POPDC2: variants seen among roughly 807,000 people sequenced by gnomAD.
POPDC2 encodes the protein popeye domain cAMP effector 2.
In POPDC2, 24 loss-of-function variants were observed where a neutral mutation model predicts 30.5. The observed-to-expected ratio is 0.79, with a 90% CI of 0.57 to 1.11. POPDC2 has a LOEUF of 1.11. POPDC2 is among the 50% of genes least tolerant of loss of function. POPDC2 has a pLI of 0.00. For missense variants in POPDC2, 409 were observed against 447.0 expected (o/e 0.91, Z 0.77); for synonymous variants, 185 against 183.3 (o/e 1.01, Z -0.07).
At chr3:119,643,408 A>C in intron 3 of POPDC2, 1 of 1,535,882 alleles carries the variant, frequency 6.5e-7, no homozygotes, top group Non-Finnish European at 8.7e-7. Context: ...ACCTTCCCTG[A>C]AAAGCCAAAC....
intron 3 of POPDC2, among the ~76,000 whole-genome samples, chr3:119,645,347 C>G (rs985695030): frequency 1.3e-5 from 2 of 152,122 alleles, no homozygotes; most frequent in Non-Finnish European, 2.9e-5. Context: ...CGGATCACCA[C>G]GTCAGGAGAT....
chr3:119,651,651 C>G (rs928713500), intron 2 of POPDC2, among the ~76,000 whole-genome samples: 2 of 152,104 alleles, frequency 1.3e-5, no homozygotes, highest in Admixed American at 1.3e-4. Context: ...CCACCGCCCC[C>G]CTGAGACGAA....
chr3:119,657,499 A>G (rs967296860), intron 1 of POPDC2, among the ~76,000 whole-genome samples: 2 of 152,238 alleles, frequency 1.3e-5, no homozygotes, highest in Non-Finnish European at 2.9e-5. Flanking sequence ...GAAAGAAGGA[A>G]GCAAGAAAGT....
intron 2 of POPDC2, 60 bp downstream of exon 2, chr3:119,654,445 G>T: frequency 1.8e-6 from 2 of 1,138,364 alleles, no homozygotes; most frequent in Admixed American, 1.7e-5. Flanking sequence ...TGGAGGCACG[G>T]ATATTGCTGG....
intron 3 of POPDC2, among the ~76,000 whole-genome samples, chr3:119,645,580 A>G (rs1030083023): frequency 1.8e-4 from 28 of 151,706 alleles, no homozygotes; most frequent in Admixed American, 7.2e-4. Flanking sequence ...AAAAAAAAAA[A>G]AAAGAAAGAA....
rs766011707 is a variant in POPDC2, at chr3:119,642,514, G to A, written c.*91C>T. ...GTGTGGGTTGGAGCCAAAGGGGCCT[G>A]TCCCCTGGATATAACTTGAGAGTAG... On this transcript the variant is annotated 3_prime_UTR_variant, in exon 4 of 4. Transcript: ENST00000493094. 6.2e-7 allele frequency: 1 copy of A among 1,613,402 alleles called. No individual in the cohort carries two copies. Among genetic ancestry groups the A allele is most frequent in the Non-Finnish European group, 8.5e-7 (1 of 1,179,316 alleles).
Position 119,643,290 on chromosome 3 carries a change from G to C in POPDC2, c.*44-729C>G, listed in dbSNP as rs536167026. On this transcript the variant is annotated intron_variant, in intron 3 of 3. Coordinates refer to ENST00000493094, the MANE Select transcript of POPDC2 (RefSeq NM_001369919.2). The stretch of plus-strand genomic sequence containing the variant: ...CCTCCCAAACAGATGAAGGAGAGCA[G>C]GCTGACATGTGACTTAGCTATTCAG... The C allele has an allele frequency of 1.6e-4, 147 of 902,180 alleles. 1 individual carries two copies. Among genetic ancestry groups the C allele is most frequent in the Admixed American group, 5.2e-4 (26 of 49,694 alleles). 55.9% of individuals were successfully genotyped at this position (902,180 alleles called of 1,614,324 possible).
At position 119,643,303 on chromosome 3, in the gene POPDC2, CTT is replaced by C. The variant is rs1018901426; in HGVS notation, c.*44-744_*44-743del. 2.6e-4 allele frequency: 276 copies of C among 1,041,508 alleles called. 2 individuals carry two copies. The highest frequency in any genetic ancestry group is 1.1e-3 in the South Asian group (79 of 73,670). The allele number at this position is 1,041,508 out of a possible 1,614,324, so 64.5% of individuals were successfully genotyped here. A position where few individuals can be genotyped will look rare whatever the true frequency, so the allele number is the denominator to read the frequency against. ...TGAAGGAGAGCAGGCTGACATGTGA[CTT>C]AGCTATTCAGGGGCTAAAGAGCTAG... On this transcript the variant is annotated intron_variant, in intron 3 of 3. Coordinates refer to ENST00000493094, the MANE Select transcript of POPDC2 (RefSeq NM_001369919.2).
intron 2 of POPDC2, among the ~76,000 whole-genome samples, chr3:119,653,072 A>ATG (rs35823737): frequency 0.017 from 1,713 of 101,230 alleles, 27 homozygotes; most frequent in African/African-American, 0.044. Flanking sequence ...GTGTGTGTGT[A>ATG]TGTGTGTGTG....
At chr3:119,652,410 G>A (rs2052822460) in intron 2 of POPDC2, among the ~76,000 whole-genome samples, 1 of 152,186 alleles carries the variant, frequency 6.6e-6, no homozygotes, top group Admixed American at 6.5e-5. Context: ...GATAACACTT[G>A]ACATTTGCAA....
chr3:119,659,778 GA>G (rs1228477836), intron 1 of POPDC2, among the ~76,000 whole-genome samples, 154 bp downstream of exon 1: 1 of 152,160 alleles, frequency 6.6e-6, no homozygotes, highest in Non-Finnish European at 1.5e-5. Flanking sequence ...CCCACTCTTA[GA>G]AAAATCTATT....
intron 1 of POPDC2, among the ~76,000 whole-genome samples, chr3:119,655,233 C>A (rs755802785): frequency 6.6e-6 from 1 of 151,976 alleles, no homozygotes; most frequent in Admixed American, 6.6e-5. Flanking sequence ...GAGGCTGAGG[C>A]AAGAGAATCA....
chr3:119,650,460 T>C (rs146532295), intron 2 of POPDC2, among the ~76,000 whole-genome samples: 7 of 152,310 alleles, frequency 4.6e-5, no homozygotes, highest in Middle Eastern at 3.4e-3. Context: ...CTGTTCCTGT[T>C]AAGGTCACCA....
At position 119,643,539 on chromosome 3, in the gene POPDC2, T is replaced by C. The variant is rs72957078; in HGVS notation, c.*44-978A>G. On this transcript the variant is annotated intron_variant, in intron 3 of 3. Coordinates refer to ENST00000493094, the MANE Select transcript of POPDC2 (RefSeq NM_001369919.2). Reference sequence around the variant, plus strand: ...TAAAATACGCTACACATTTAACTAGTGCTTCAGAGCTTAAAAACTGCCTTT... The same window carrying C: ...TAAAATACGCTACACATTTAACTAGCGCTTCAGAGCTTAAAAACTGCCTTT... The C allele has an allele frequency of 2.0e-3, 1,793 of 899,162 alleles. 29 individuals are homozygous for C. In the African/African-American group the frequency reaches 0.026, roughly 13 times the overall value. 55.7% of individuals were successfully genotyped at this position (899,162 alleles called of 1,614,324 possible). A position where few individuals can be genotyped will look rare whatever the true frequency, so the allele number is the denominator to read the frequency against.
In POPDC2 at chr3:119,660,017, T is replaced by C. The variant is rs1430643052; in HGVS notation, c.407A>G (p.Gln136Arg). Residue 136 changes from glutamine (Q) to arginine (R), a missense_variant, in exon 1 of 4, where the codon CAG (glutamine) becomes CGG (arginine). Gln to Arg is a conservative substitution (Grantham distance 43). Transcript: ENST00000493094. The part of the protein sequence containing the change: ...YKEIVHCCEE[Q>R]VLTLATEQTY... Reference sequence around the variant, plus strand: ...CTGTTCAGTGGCCAGAGTTAAGACCTGCTCCTCGCAGCAGTGAACAATCTC... The same window carrying C: ...CTGTTCAGTGGCCAGAGTTAAGACCCGCTCCTCGCAGCAGTGAACAATCTC... 1.3e-5 allele frequency: 21 copies of C among 1,614,080 alleles called. No homozygotes were observed. Among genetic ancestry groups the C allele is most frequent in the Non-Finnish European group, 1.6e-5 (19 of 1,180,004 alleles).
In POPDC2 at chr3:119,660,587, G is replaced by T. The variant is rs922158618; in HGVS notation, c.-164C>A. On this transcript the variant is annotated 5_prime_UTR_variant, in exon 1 of 4. Coordinates refer to ENST00000493094, the MANE Select transcript of POPDC2 (RefSeq NM_001369919.2). Reference sequence around the variant, plus strand: ...GCTTCCGGTGGCTTTGGGAAGGAATGATGGAACATAGTACACTTCATGGAG... The same window carrying T: ...GCTTCCGGTGGCTTTGGGAAGGAATTATGGAACATAGTACACTTCATGGAG... The T allele has an allele frequency of 2.7e-6, 2 of 734,648 alleles. No individual in the cohort carries two copies. Among genetic ancestry groups the T allele is most frequent in the Non-Finnish European group, 4.3e-6 (2 of 461,554 alleles). The allele number at this position is 734,648 out of a possible 1,614,324, so 45.5% of individuals were successfully genotyped here.
intron 1 of POPDC2, 125 bp from the exon 2 acceptor site, chr3:119,654,738 T>TA: frequency 1.4e-6 from 1 of 709,796 alleles, no homozygotes; most frequent in Non-Finnish European, 2.4e-6. Flanking sequence ...TAAAGCATGG[T>TA]AAAACCCAAA....
At chr3:119,649,345 A>G (rs774104778) in intron 2 of POPDC2, among the ~76,000 whole-genome samples, 44 of 152,120 alleles carry the variant, frequency 2.9e-4, no homozygotes, top group Non-Finnish European at 5.0e-4. Flanking sequence ...CCCATTCTCC[A>G]TTTGTTTATT....
At chr3:119,659,662 G>A (rs573937014) in intron 1 of POPDC2, among the ~76,000 whole-genome samples, 2 of 152,188 alleles carry the variant, frequency 1.3e-5, no homozygotes, top group Admixed American at 6.5e-5. Flanking sequence ...CAAGACACAC[G>A]CACTGCACAC....
Sources: allele counts gnomAD v4.1 joint callset (sites outside exome capture counted in the v4.1 genomes callset), GRCh38; gene constraint gnomAD v4.1.1; transcripts MANE v1.5; gene names NCBI Gene and HGNC (gene_info 2026-07-23, HGNC 2026-07-21).